FAT3: variants seen among roughly 807,000 people sequenced by gnomAD.
FAT3 encodes the protein FAT atypical cadherin 3, also known as protocadherin Fat 3.
Under a neutral mutation model 310.2 loss-of-function variants are expected in FAT3, and 95 were observed. The observed-to-expected ratio is 0.31, with a 90% CI of 0.26 to 0.36. The LOEUF is 0.36. Among genes scored for constraint, FAT3 ranks in the 10% least tolerant of loss-of-function variants. FAT3 has a pLI of 1.00. For synonymous variants in FAT3, 2,314 were observed against 2,192.9 expected, an observed-to-expected ratio of 1.06 and a Z score of -1.54; for missense variants, 5,408 against 5,715.6, an observed-to-expected ratio of 0.95 and a Z score of 1.74.
At chr11:92,745,835 C>A (rs561729814) in intron 4 of FAT3, among the ~76,000 whole-genome samples, 2 of 152,274 alleles carry the variant, frequency 1.3e-5, no homozygotes, top group South Asian at 2.1e-4. Flanking sequence ...TTGTTGAGAA[C>A]CAACTATGTG....
At chr11:92,310,593 G>A (rs1947271942) in intron 1 of FAT3, among the ~76,000 whole-genome samples, 1 of 152,000 alleles carries the variant, frequency 6.6e-6, no homozygotes, top group South Asian at 2.1e-4. Flanking sequence ...ATGTGTATTG[G>A]TGAACTGTCA....
chr11:92,687,888 C>T (rs918333913), intron 3 of FAT3, among the ~76,000 whole-genome samples: 1 of 151,940 alleles, frequency 6.6e-6, no homozygotes, highest in Non-Finnish European at 1.5e-5. Context: ...GCTAGGCATG[C>T]CTAGCATGCC....
rs762635092 is a variant in FAT3 at position 92,790,170 on chromosome 11, C to T, written c.4563C>T (p.Ala1521=). 7 of 1,613,572 alleles carry T rather than the reference C, an allele frequency of 4.3e-6. No homozygotes were observed. Among genetic ancestry groups the T allele is most frequent in the African/African-American group, 1.3e-5 (1 of 74,860 alleles). The change falls in exon 8 of 28, where the codon GCC becomes GCT. Residue 1521 remains alanine (A), a synonymous_variant. Coordinates refer to ENST00000525166, the MANE Select transcript of FAT3 (RefSeq NM_001367949.2). ...CTAGCACTGGCGTGCTCTATACTGC[C>T]GAGAGGCTGGACCATGAGGCCCAGG... is the stretch of plus-strand genomic sequence containing the variant. The part of the protein sequence containing the change: ...IDPSTGVLYT[A]ERLDHEAQDK...
intron 1 of FAT3, among the ~76,000 whole-genome samples, chr11:92,334,524 A>G (rs186885549): frequency 1.0e-3 from 158 of 151,964 alleles, no homozygotes; most frequent in African/African-American, 3.6e-3. Flanking sequence ...TATACCTTCT[A>G]CAAAAGAGAC....
chr11:92,866,700 T>A (rs759821635), intron 21 of FAT3, 41 bp from the exon 22 acceptor site: 4 of 1,557,452 alleles, frequency 2.6e-6, no homozygotes, highest in Non-Finnish European at 3.5e-6. Flanking sequence ...ATATTCCCAG[T>A]TGCATGTTGA....
At chr11:92,664,060 GT>G (rs944384815) in intron 3 of FAT3, among the ~76,000 whole-genome samples, 10 of 152,034 alleles carry the variant, frequency 6.6e-5, no homozygotes, top group African/African-American at 2.2e-4. Flanking sequence ...GTGGTCTTGT[GT>G]TTTCCAGGTG....
chr11:92,531,399 G>A (rs1954067525), intron 3 of FAT3, among the ~76,000 whole-genome samples: 1 of 152,146 alleles, frequency 6.6e-6, no homozygotes, highest in African/African-American at 2.4e-5. Flanking sequence ...ACAACTGTGG[G>A]TTGAGGGTGG....
intron 3 of FAT3, among the ~76,000 whole-genome samples, chr11:92,662,016 T>C: frequency 6.6e-6 from 1 of 152,156 alleles, no homozygotes; most frequent in Non-Finnish European, 1.5e-5. Context: ...TCTATTTTTT[T>C]CTACCTCTAT....
At chr11:92,245,471 C>G (rs1455052913) in intron 1 of FAT3, among the ~76,000 whole-genome samples, 1 of 151,948 alleles carries the variant, frequency 6.6e-6, no homozygotes, top group Non-Finnish European at 1.5e-5. Flanking sequence ...GCATATGTAC[C>G]CCAGAACTTA....
Position 92,381,971 on chromosome 11 carries a change from T to C in FAT3, c.3292+26567T>C, listed in dbSNP as rs943569119. Among the ~76,000 whole-genome samples the C allele has an allele frequency of 3.9e-5, 6 of 152,286 alleles. No homozygotes were observed. In the East Asian group the frequency reaches 9.7e-4, roughly 25 times the overall value. On this transcript the variant is annotated intron_variant, in intron 2 of 27. Coordinates refer to ENST00000525166, the MANE Select transcript of FAT3 (RefSeq NM_001367949.2). ...GGATTTTTGCTTCAAGAGTTTTTGT[T>C]GGTTCTTCATTGCTGCATTAAAGTT...
intron 1 of FAT3, among the ~76,000 whole-genome samples, chr11:92,311,955 T>G (rs1947315174): frequency 6.6e-6 from 1 of 152,168 alleles, no homozygotes; most frequent in Admixed American, 6.5e-5. Context: ...CTTCCACATT[T>G]TATCCCAATC....
In FAT3 at chr11:92,273,163, TTA is replaced by T. The variant is rs1437499942; in HGVS notation, c.-18+47991_-18+47992del. ...AATTATGAGTCTGATCCACCAGTTT[TTA>T]TGTTTTCCCAAATTTTACACCCCCT... On this transcript the variant is annotated intron_variant, in intron 1 of 27. Coordinates refer to ENST00000525166, the MANE Select transcript of FAT3 (RefSeq NM_001367949.2). Among the ~76,000 whole-genome samples, 3 of 152,130 alleles carry T rather than the reference TTA, an allele frequency of 2.0e-5. No individual in the cohort carries two copies. In the East Asian group the frequency reaches 5.8e-4, roughly 29 times the overall value.
At chr11:92,762,256 C>A (rs562542979) in intron 5 of FAT3, 86 bp downstream of exon 5, 19 of 1,359,184 alleles carry the variant, frequency 1.4e-5, no homozygotes, top group Non-Finnish European at 1.9e-5. Flanking sequence ...AGCAATAAAT[C>A]TTTAGAGTAA....
chr11:92,569,595 G>C (rs1955599537), intron 3 of FAT3, among the ~76,000 whole-genome samples: 2 of 152,188 alleles, frequency 1.3e-5, no homozygotes, highest in South Asian at 4.1e-4. Flanking sequence ...GTACTGGTGG[G>C]AAATTGAGCA....
rs550595244 is a variant in FAT3, at chr11:92,881,633, G to A, written c.12281+749G>A. On this transcript the variant is annotated intron_variant, in intron 23 of 27. Transcript: ENST00000525166. ...CCTCTATCTGTTCAAATTAGGTTTCGTTTGGCTACATTTTAAAAGGTAGAT... is the reference window on the plus strand; with the variant it reads ...CCTCTATCTGTTCAAATTAGGTTTCATTTGGCTACATTTTAAAAGGTAGAT... Among the ~76,000 whole-genome samples, 8 of 152,238 alleles carry A rather than the reference G, an allele frequency of 5.3e-5. No homozygotes were observed. In the South Asian group the frequency reaches 1.5e-3, roughly 28 times the overall value.
At chr11:92,813,208 T>C (rs1231194846) in intron 13 of FAT3, among the ~76,000 whole-genome samples, 1 of 152,210 alleles carries the variant, frequency 6.6e-6, no homozygotes, top group African/African-American at 2.4e-5. Flanking sequence ...ACTAATATAC[T>C]TGTGTTACCT....
At position 92,612,101 on chromosome 11, in the gene FAT3, A is replaced by G. The variant is rs896341988; in HGVS notation, c.3608-85283A>G. ...TTAATAACTATTTTATTGTCTCCCTATATTTAGAGTTAACCCAGAGTGATA... is the reference window on the plus strand; with the variant it reads ...TTAATAACTATTTTATTGTCTCCCTGTATTTAGAGTTAACCCAGAGTGATA... On this transcript the variant is annotated intron_variant, in intron 3 of 27. Transcript: ENST00000525166. Among the ~76,000 whole-genome samples the G allele has an allele frequency of 1.2e-3, 180 of 152,306 alleles. 1 individual carries two copies. Among genetic ancestry groups the G allele is most frequent in the African/African-American group, 4.3e-3 (178 of 41,568 alleles).
intron 4 of FAT3, among the ~76,000 whole-genome samples, chr11:92,738,265 A>C (rs947661273): frequency 3.3e-5 from 5 of 152,200 alleles, no homozygotes; most frequent in African/African-American, 1.2e-4. Flanking sequence ...TTTTTACTGC[A>C]GGGACATTTA....
At chr11:92,685,513 T>TGGAA (rs1173228571) in intron 3 of FAT3, among the ~76,000 whole-genome samples, 1 of 151,910 alleles carries the variant, frequency 6.6e-6, no homozygotes, top group African/African-American at 2.4e-5. Context: ...CTGCTTTGGA[T>TGGAA]GGAAGCATGT....
Sources: gnomAD v4.1 joint callset for allele counts (sites outside exome capture counted in the v4.1 genomes callset) on GRCh38, gnomAD v4.1.1 for gene constraint, MANE v1.5 for transcripts, NCBI Gene and HGNC (gene_info 2026-07-23, HGNC 2026-07-21) for gene names.